ERBB4: variants seen among roughly 807,000 people sequenced by gnomAD.
ERBB4 encodes the protein erb-b2 receptor tyrosine kinase 4.
A neutral mutation model predicts 158.0 loss-of-function variants in ERBB4; 42 were observed. The observed-to-expected ratio is 0.27, with a 90% CI of 0.21 to 0.34. ERBB4 has a LOEUF of 0.34. Among genes scored for constraint, ERBB4 ranks in the 10% least tolerant of loss-of-function variants. The probability of loss-of-function intolerance (pLI) is 1.00; values close to 1 mark genes in which losing one functional copy is unlikely to be tolerated. For missense variants in ERBB4, 1,333 were observed against 1,624.1 expected, an observed-to-expected ratio of 0.82 and a Z score of 3.08; for synonymous variants, 583 against 558.7, an observed-to-expected ratio of 1.04 and a Z score of -0.61.
chr2:211,754,366 A>T (rs979952699), intron 4 of ERBB4, among the ~76,000 whole-genome samples: 2 of 151,370 alleles, frequency 1.3e-5, no homozygotes, highest in African/African-American at 2.4e-5. Context: ...CCATGTCTCA[A>T]CCTGGTACGT....
chr2:212,171,745 G>A (rs1013921474), intron 1 of ERBB4, among the ~76,000 whole-genome samples: 4 of 151,932 alleles, frequency 2.6e-5, no homozygotes, highest in East Asian at 1.9e-4. Flanking sequence ...ACGCCTCTTC[G>A]CCTTCCACCA....
At chr2:212,081,220 G>T (rs546755547) in intron 2 of ERBB4, among the ~76,000 whole-genome samples, 3 of 152,284 alleles carry the variant, frequency 2.0e-5, no homozygotes, top group East Asian at 3.9e-4. Context: ...GGAGGTAGGT[G>T]TGTGGTGTCC....
intron 1 of ERBB4, among the ~76,000 whole-genome samples, chr2:212,242,298 T>C (rs541519551): frequency 6.6e-6 from 1 of 152,186 alleles, no homozygotes; most frequent in Non-Finnish European, 1.5e-5. Flanking sequence ...GTCCTAGTTA[T>C]AATTTTAAAA....
At chr2:212,378,218 A>G (rs2090389264) in intron 1 of ERBB4, among the ~76,000 whole-genome samples, 1 of 151,852 alleles carries the variant, frequency 6.6e-6, no homozygotes, top group South Asian at 2.1e-4. Context: ...AAATGTCATT[A>G]TGCACCTCTC....
At chr2:212,493,516 TA>T (rs1160838090) in intron 1 of ERBB4, among the ~76,000 whole-genome samples, 1 of 151,636 alleles carries the variant, frequency 6.6e-6, no homozygotes, top group East Asian at 1.9e-4. Context: ...TTCCACATAC[TA>T]AAAAACTTGG....
At position 212,017,275 on chromosome 2, in the gene ERBB4, A is replaced by G. The variant is rs541797677; in HGVS notation, c.235-69659T>C. Among the ~76,000 whole-genome samples, 7 of 152,260 alleles carry G rather than the reference A, an allele frequency of 4.6e-5. No individual in the cohort carries two copies. The South Asian group carries it at 1.4e-3, about 32-fold the overall frequency. On this transcript the variant is annotated intron_variant, in intron 2 of 27. Transcript: ENST00000342788. ...AAAAATAAGTGGTATAGAGAAGAGT[A>G]AAAAAGCTAATAAATGTTATTTATA...
intron 3 of ERBB4, among the ~76,000 whole-genome samples, chr2:211,934,442 T>A (rs141380059): frequency 6.6e-6 from 1 of 152,116 alleles, no homozygotes; most frequent in South Asian, 2.1e-4. Flanking sequence ...AAAATCACCC[T>A]TCTAATATCT....
intron 12 of ERBB4, among the ~76,000 whole-genome samples, chr2:211,689,511 T>C (rs886641448): frequency 1.3e-5 from 2 of 152,290 alleles, no homozygotes; most frequent in East Asian, 3.9e-4. Context: ...AATATAACCT[T>C]AACATAGGTC....
chr2:212,229,211 G>T (rs1275106839), intron 1 of ERBB4, among the ~76,000 whole-genome samples: 1 of 152,172 alleles, frequency 6.6e-6, no homozygotes, highest in Admixed American at 6.6e-5. Flanking sequence ...AAAGTTAGAA[G>T]AGAGGGAAAC....
At chr2:211,830,622 G>A (rs2077198805) in intron 3 of ERBB4, among the ~76,000 whole-genome samples, 1 of 151,880 alleles carries the variant, frequency 6.6e-6, no homozygotes, top group African/African-American at 2.4e-5. Context: ...ATACTAGAAA[G>A]CAATAAACAT....
chr2:212,048,251 T>C (rs1171204373), intron 2 of ERBB4, among the ~76,000 whole-genome samples: 1 of 152,214 alleles, frequency 6.6e-6, no homozygotes, highest in East Asian at 1.9e-4. Flanking sequence ...GGAATATGAC[T>C]TTTACTTTAA....
chr2:211,393,005 A>G (rs903435620), intron 25 of ERBB4, among the ~76,000 whole-genome samples: 7 of 152,084 alleles, frequency 4.6e-5, no homozygotes, highest in South Asian at 2.1e-4. Flanking sequence ...CATCTTTCAT[A>G]TATGTCTCAT....
chr2:212,080,016 TC>T (rs1239227893), intron 2 of ERBB4, among the ~76,000 whole-genome samples: 1 of 151,624 alleles, frequency 6.6e-6, no homozygotes, highest in East Asian at 1.9e-4. Context: ...AGGAAGGAGC[TC>T]CTCACATAAA....
chr2:211,908,503 A>G (rs1302388346), intron 3 of ERBB4, among the ~76,000 whole-genome samples: 1 of 151,748 alleles, frequency 6.6e-6, no homozygotes, highest in African/African-American at 2.4e-5. Flanking sequence ...AAAAAATCGT[A>G]TATAATTAAA....
At chr2:212,085,413 T>C (rs2078573528) in intron 2 of ERBB4, among the ~76,000 whole-genome samples, 1 of 151,928 alleles carries the variant, frequency 6.6e-6, no homozygotes, top group Admixed American at 6.6e-5. Flanking sequence ...TGAATACAAA[T>C]GAGTGATAAA....
At chr2:211,616,316 C>T (rs1050614988) in intron 19 of ERBB4, among the ~76,000 whole-genome samples, 5 of 152,058 alleles carry the variant, frequency 3.3e-5, no homozygotes, top group Non-Finnish European at 5.9e-5. Context: ...ATTAGTTCTC[C>T]TGTCTTATTT....
intron 1 of ERBB4, among the ~76,000 whole-genome samples, chr2:212,412,240 C>A (rs1237771482): frequency 6.6e-6 from 1 of 152,152 alleles, no homozygotes; most frequent in African/African-American, 2.4e-5. Context: ...ATTTTGTTCT[C>A]TCTGTGATAT....
intron 3 of ERBB4, among the ~76,000 whole-genome samples, chr2:211,929,267 CAGAGAG>C (rs140448083): frequency 9.2e-5 from 13 of 141,212 alleles, no homozygotes; most frequent in Admixed American, 4.3e-4. Flanking sequence ...GTGTGTGTGA[CAGAGAG>C]AGAGAGAGAG....
chr2:211,625,573 A>G (rs1473022888), intron 17 of ERBB4, among the ~76,000 whole-genome samples: 1 of 152,204 alleles, frequency 6.6e-6, no homozygotes, highest in African/African-American at 2.4e-5. Context: ...TGTAAATTTG[A>G]TAACATAGAA....
Sources: gnomAD v4.1 joint callset for allele counts (sites outside exome capture counted in the v4.1 genomes callset) on GRCh38, gnomAD v4.1.1 for gene constraint, MANE v1.5 for transcripts, NCBI Gene and HGNC (gene_info 2026-07-23, HGNC 2026-07-21) for gene names.